PDE3A: variants seen among roughly 807,000 people sequenced by gnomAD.
PDE3A encodes the protein cGMP-inhibited 3',5'-cyclic phosphodiesterase 3A.
Under a neutral mutation model 98.3 loss-of-function variants are expected in PDE3A, and 43 were observed. That is an observed-to-expected ratio of 0.44 (90% CI 0.34 to 0.56). PDE3A has a LOEUF of 0.56. PDE3A is among the 20% of genes least tolerant of loss of function. The pLI is 0.01. For missense variants in PDE3A, 1,427 were observed against 1,440.7 expected (o/e 0.99, Z 0.15); for synonymous variants, 663 against 567.9 (o/e 1.17, Z -2.38).
At chr12:20,556,542 G>T (rs1592054399) in intron 1 of PDE3A, 118 bp from the exon 2 acceptor site, 2 of 683,862 alleles carry the variant, frequency 2.9e-6, no homozygotes, top group South Asian at 1.7e-5. Flanking sequence ...ATTCATGATA[G>T]CTATTTAATA....
At chr12:20,590,593 A>C (rs907481169) in intron 2 of PDE3A, among the ~76,000 whole-genome samples, 2 of 151,420 alleles carry the variant, frequency 1.3e-5, no homozygotes, top group Non-Finnish European at 2.9e-5. Flanking sequence ...TAGGCAATAT[A>C]AAGAGCCCTC....
chr12:20,474,354 T>A (rs1945491900), intron 1 of PDE3A, among the ~76,000 whole-genome samples: 2 of 152,182 alleles, frequency 1.3e-5, no homozygotes, highest in Admixed American at 6.5e-5. Flanking sequence ...ATATTGTGAG[T>A]GTTTTCTCGT....
intron 9 of PDE3A, among the ~76,000 whole-genome samples, chr12:20,637,655 T>C (rs942951225): frequency 4.6e-5 from 7 of 152,170 alleles, no homozygotes; most frequent in African/African-American, 1.4e-4. Context: ...TTAGGCCTTA[T>C]CAAAGATAAT....
intron 2 of PDE3A, among the ~76,000 whole-genome samples, chr12:20,577,695 A>G (rs550756065): frequency 6.6e-6 from 1 of 152,312 alleles, no homozygotes; most frequent in African/African-American, 2.4e-5. Flanking sequence ...TTAAAAAAGA[A>G]TGAATCTAGC....
intron 9 of PDE3A, 123 bp from the exon 10 acceptor site, chr12:20,639,723 C>A: frequency 1.8e-6 from 1 of 542,116 alleles, no homozygotes; most frequent in Admixed American, 3.2e-5. Context: ...AAAGGACACC[C>A]TTCAGATTTT....
intron 1 of PDE3A, among the ~76,000 whole-genome samples, chr12:20,410,116 C>T (rs186211675): frequency 9.0e-4 from 137 of 152,290 alleles, no homozygotes; most frequent in African/African-American, 3.1e-3. Context: ...ATTCAACTGT[C>T]CATTGTCTGA....
At chr12:20,602,216 C>A (rs541225916) in intron 2 of PDE3A, among the ~76,000 whole-genome samples, 1 of 152,270 alleles carries the variant, frequency 6.6e-6, no homozygotes, top group South Asian at 2.1e-4. Flanking sequence ...TTTATTATAT[C>A]TTTGCCAGCT....
chr12:20,490,748 C>T (rs1341091273), intron 1 of PDE3A, among the ~76,000 whole-genome samples: 8 of 152,106 alleles, frequency 5.3e-5, no homozygotes, highest in African/African-American at 1.9e-4. Flanking sequence ...TGTTGGTTCT[C>T]GTCCCATTAG....
intron 1 of PDE3A, among the ~76,000 whole-genome samples, chr12:20,461,423 G>A (rs1333360569): frequency 2.6e-5 from 4 of 152,046 alleles, no homozygotes; most frequent in Non-Finnish European, 5.9e-5. Flanking sequence ...AGAAGACTAA[G>A]TGTACAATAT....
chr12:20,547,952 T>A (rs1461102028), intron 1 of PDE3A, among the ~76,000 whole-genome samples: 1 of 152,122 alleles, frequency 6.6e-6, no homozygotes, highest in East Asian at 1.9e-4. Context: ...TCCTGTGAAC[T>A]TTTTAAATTC....
At chr12:20,370,287 A>C (rs1943443626) in intron 1 of PDE3A, 43 bp downstream of exon 1, 1 of 1,477,418 alleles carries the variant, frequency 6.8e-7, no homozygotes, top group Non-Finnish European at 9.0e-7. Flanking sequence ...GAAACTTGAA[A>C]CACTTGGCAA....
At chr12:20,427,062 T>C (rs886450869) in intron 1 of PDE3A, among the ~76,000 whole-genome samples, 1 of 152,202 alleles carries the variant, frequency 6.6e-6, no homozygotes, top group African/African-American at 2.4e-5. Context: ...TCAAGGAACA[T>C]TGGATGAAGA....
intron 1 of PDE3A, among the ~76,000 whole-genome samples, chr12:20,475,273 G>A (rs1169030104): frequency 1.3e-5 from 2 of 148,632 alleles, no homozygotes; most frequent in African/African-American, 2.5e-5. Flanking sequence ...TGTTAAAATC[G>A]GTAGCATGTC....
rs1430315720 is a variant in PDE3A, at chr12:20,368,654, G to A, written c.-631G>A. Among the ~76,000 whole-genome samples, 1 of 151,932 alleles carries A rather than the reference G, an allele frequency of 6.6e-6. No homozygotes were observed. Among genetic ancestry groups the A allele is most frequent in the Non-Finnish European group, 1.5e-5 (1 of 67,946 alleles). The stretch of plus-strand genomic sequence containing the variant: ...ATGAATTGGATTGACAGAGGCGGGG[G>A]AGGCTTTGCTTTCTGCCCCAGGGAA... On this transcript the variant is annotated 5_prime_UTR_variant, in exon 1 of 16. Coordinates refer to ENST00000359062, the MANE Select transcript of PDE3A (RefSeq NM_000921.5).
intron 1 of PDE3A, among the ~76,000 whole-genome samples, chr12:20,504,461 A>C (rs888653416): frequency 6.6e-6 from 1 of 152,162 alleles, no homozygotes; most frequent in Non-Finnish European, 1.5e-5. Context: ...CTGCTATTAC[A>C]AATTACTGTA....
intron 1 of PDE3A, among the ~76,000 whole-genome samples, chr12:20,459,121 G>T (rs1248215019): frequency 6.6e-6 from 1 of 152,100 alleles, no homozygotes; most frequent in Non-Finnish European, 1.5e-5. Context: ...CTGAAAATTT[G>T]TACAATGTAC....
chr12:20,618,735 C>T (rs544995942), intron 4 of PDE3A, among the ~76,000 whole-genome samples: 62 of 152,126 alleles, frequency 4.1e-4, no homozygotes, highest in African/African-American at 1.4e-3. Context: ...AAAAAATAGG[C>T]TTTAGAGAAA....
intron 1 of PDE3A, among the ~76,000 whole-genome samples, chr12:20,474,319 G>A (rs185250740): frequency 6.6e-6 from 1 of 151,864 alleles, no homozygotes; most frequent in African/African-American, 2.4e-5. Context: ...ACATATTTTC[G>A]ATATGTGTCT....
chr12:20,388,635 T>A (rs924208698), intron 1 of PDE3A, among the ~76,000 whole-genome samples: 36 of 151,976 alleles, frequency 2.4e-4, no homozygotes, highest in Non-Finnish European at 4.4e-4. Flanking sequence ...CAAATAAAGA[T>A]CAGGTTCATA....
Sources: allele counts gnomAD v4.1 joint callset (sites outside exome capture counted in the v4.1 genomes callset), GRCh38; gene constraint gnomAD v4.1.1; transcripts MANE v1.5; gene names NCBI Gene and HGNC (gene_info 2026-07-23, HGNC 2026-07-21).